NPHP1: variants seen among roughly 807,000 people sequenced by gnomAD.
The protein encoded by NPHP1 is nephrocystin 1.
Under a neutral mutation model 90.4 loss-of-function variants are expected in NPHP1, and 70 were observed. The ratio of observed to expected loss-of-function variants is 0.77; its 90% CI spans 0.64 to 0.95. NPHP1 has a LOEUF of 0.95. NPHP1 is among the 40% of genes least tolerant of loss of function. The pLI, the probability that NPHP1 is intolerant of heterozygous loss-of-function variation, is 0.00. For missense variants in NPHP1, 764 were observed against 795.9 expected (o/e 0.96, Z 0.48); for synonymous variants, 256 against 271.7 (o/e 0.94, Z 0.57).
intron 16 of NPHP1, among the ~76,000 whole-genome samples, chr2:110,138,635 G>A (rs1047740050): frequency 5.3e-5 from 8 of 152,088 alleles, no homozygotes; most frequent in Admixed American, 5.2e-4. Context: ...ACATGTTCAT[G>A]AGCAAGGGGC....
At chr2:110,154,927 C>A (rs534104668) in intron 11 of NPHP1, among the ~76,000 whole-genome samples, 2 of 152,192 alleles carry the variant, frequency 1.3e-5, no homozygotes, top group African/African-American at 4.8e-5. Flanking sequence ...TAACAAGGAG[C>A]CAAATGTTAC....
chr2:110,194,416 A>G (rs1684991550), intron 2 of NPHP1, among the ~76,000 whole-genome samples: 1 of 152,198 alleles, frequency 6.6e-6, no homozygotes, highest in Non-Finnish European at 1.5e-5. Flanking sequence ...GAAGAAATGG[A>G]TAAATTCCTC....
At chr2:110,168,661 T>G in intron 5 of NPHP1, 108 bp from the exon 6 acceptor site, 2 of 766,364 alleles carry the variant, frequency 2.6e-6, no homozygotes, top group East Asian at 5.2e-5. Flanking sequence ...AAATCTTTTT[T>G]TAATCCAATA....
At chr2:110,188,030 C>T (rs1684417787) in intron 2 of NPHP1, among the ~76,000 whole-genome samples, 1 of 151,996 alleles carries the variant, frequency 6.6e-6, no homozygotes, top group African/African-American at 2.4e-5. Context: ...ATAATCAGAG[C>T]CATATATGAC....
At chr2:110,174,028 C>T (rs961448102) in intron 4 of NPHP1, among the ~76,000 whole-genome samples, 2 of 151,840 alleles carry the variant, frequency 1.3e-5, no homozygotes, top group African/African-American at 4.8e-5. Context: ...TTATTGTAAC[C>T]GTATCACCTT....
intron 1 of NPHP1, among the ~76,000 whole-genome samples, chr2:110,203,632 G>A (rs1227056021): frequency 6.6e-6 from 1 of 151,932 alleles, no homozygotes; most frequent in Non-Finnish European, 1.5e-5. Context: ...ATGAGCATCA[G>A]TGAATCTCTT....
intron 2 of NPHP1, chr2:110,184,228 T>C (rs1398341177): frequency 6.9e-6 from 4 of 576,560 alleles, no homozygotes; most frequent in South Asian, 2.8e-5. Flanking sequence ...GACATCTTCA[T>C]TGGCTTCAAA....
intron 10 of NPHP1, 40 bp from the exon 11 acceptor site, chr2:110,160,295 A>T (rs1462863737): frequency 3.4e-6 from 5 of 1,491,470 alleles, no homozygotes; most frequent in Non-Finnish European, 4.7e-6. Context: ...TATTTTTATG[A>T]TTTCTAACAC....
intron 1 of NPHP1, among the ~76,000 whole-genome samples, chr2:110,204,303 T>C (rs926649477): frequency 1.3e-5 from 2 of 152,196 alleles, no homozygotes; most frequent in African/African-American, 4.8e-5. Context: ...CTTATGTGCT[T>C]TGCAATTACT....
chr2:110,146,120 C>T (rs1681027874), intron 14 of NPHP1, among the ~76,000 whole-genome samples: 1 of 152,160 alleles, frequency 6.6e-6, no homozygotes, highest in African/African-American at 2.4e-5. Flanking sequence ...GGATCTTAAT[C>T]ACCATCCTAC....
intron 15 of NPHP1, chr2:110,144,227 A>G (rs2104482587): frequency 2.2e-6 from 1 of 464,336 alleles, no homozygotes; most frequent in Non-Finnish European, 3.9e-6. Context: ...ATTAGTCACA[A>G]GTATCAGTTC....
chr2:110,168,575 C>G, intron 5 of NPHP1, 22 bp from the exon 6 acceptor site: 1 of 1,461,254 alleles, frequency 6.8e-7, no homozygotes, highest in Non-Finnish European at 9.6e-7. Flanking sequence ...ACAAAGTAAA[C>G]CATTTTAAAT....
chr2:110,143,785 G>A (rs1574084620), intron 15 of NPHP1, 144 bp from the exon 16 acceptor site: 1 of 662,534 alleles, frequency 1.5e-6, no homozygotes, highest in Non-Finnish European at 2.7e-6. Flanking sequence ...CCCTAAATGA[G>A]CTGAGAGACC....
In NPHP1 at chr2:110,146,766, G is replaced by C. The variant is rs756468587; in HGVS notation, c.1339C>G (p.Pro447Ala). The C allele has an allele frequency of 1.9e-6, 3 of 1,611,360 alleles. No individual in the cohort carries two copies. Among genetic ancestry groups the C allele is most frequent in the African/African-American group, 1.3e-5 (1 of 74,956 alleles). Residue 447 changes from proline (P) to alanine (A), a missense_variant, in exon 14 of 20, where the codon CCT (proline) becomes GCT (alanine). Physicochemically the swap from Pro to Ala is conservative, Grantham distance 27. Transcript: ENST00000445609. ...FLKLFDASGV[P>A]IPAKTYELFL... ...TAGCCAACTTACTTTGCTGGAATAG[G>C]AACTCCACTGGCATCAAAAAGTTTA...
At position 110,154,825 on chromosome 2, in the gene NPHP1, G is replaced by T. The variant is rs1244242118; in HGVS notation, c.1084-4569C>A. Reference sequence around the variant, plus strand: ...TTTCATAAGGGAAGTGGAGCATAAAGGTTTGGAAAGTTTGCAACCTGACAA... The same window carrying T: ...TTTCATAAGGGAAGTGGAGCATAAATGTTTGGAAAGTTTGCAACCTGACAA... On this transcript the variant is annotated intron_variant, in intron 11 of 19. Transcript: ENST00000445609. Among the ~76,000 whole-genome samples, 3 of 152,132 alleles carry T rather than the reference G, an allele frequency of 2.0e-5. No homozygotes were observed. In the South Asian group the frequency reaches 6.2e-4, roughly 32 times the overall value.
chr2:110,204,719 G>A (rs1471596701), intron 1 of NPHP1, among the ~76,000 whole-genome samples, 181 bp downstream of exon 1: 1 of 152,164 alleles, frequency 6.6e-6, no homozygotes, highest in African/African-American at 2.4e-5. Context: ...GGATCAGGAG[G>A]GGTTTGAATC....
chr2:110,183,482 G>A (rs1016427401), intron 2 of NPHP1, among the ~76,000 whole-genome samples: 1 of 152,098 alleles, frequency 6.6e-6, no homozygotes, highest in Non-Finnish European at 1.5e-5. Context: ...CTGGCTTGCT[G>A]TCAATAAATA....
chr2:110,169,872 T>C lies in NPHP1; in HGVS notation c.456A>G (p.Ser152=), dbSNP rs143163969. 79 of 1,613,580 alleles carry C rather than the reference T, an allele frequency of 4.9e-5. 1 individual carries two copies. In the East Asian group the frequency reaches 1.7e-3, roughly 35 times the overall value. Residue 152 remains serine, a synonymous_variant, in exon 5 of 20, where the codon TCA becomes TCG. Transcript: ENST00000445609. ...CAACAGCGATGTATTCTTCACCGGT[T>C]GACCATTTGTGAGATTCATTTTCCT... ...EKEENESHKW[S]TGEEYIAVGD... is the part of the protein sequence containing the mutation.
intron 1 of NPHP1, among the ~76,000 whole-genome samples, chr2:110,203,092 T>C (rs890576852): frequency 6.6e-6 from 1 of 151,990 alleles, no homozygotes; most frequent in Non-Finnish European, 1.5e-5. Context: ...TATGCAACCA[T>C]AAAAAAGAAT....
Sources: gnomAD v4.1 joint callset for allele counts (sites outside exome capture counted in the v4.1 genomes callset) on GRCh38, gnomAD v4.1.1 for gene constraint, MANE v1.5 for transcripts, NCBI Gene and HGNC (gene_info 2026-07-23, HGNC 2026-07-21) for gene names.